COL4A3: variants seen among roughly 807,000 people sequenced by gnomAD.
The protein encoded by COL4A3 is collagen type IV alpha 3 chain.
A neutral mutation model predicts 217.4 loss-of-function variants in COL4A3; 135 were observed. That is an observed-to-expected ratio of 0.62 (90% CI 0.54 to 0.72). The LOEUF (loss-of-function observed/expected upper bound fraction) is 0.72, where lower values mean the gene tolerates loss of function less well. COL4A3 is among the 30% of genes least tolerant of loss of function. COL4A3 has a pLI of 0.00. For synonymous variants in COL4A3, 690 were observed against 736.3 expected (o/e 0.94, Z 1.02); for missense variants, 1,868 against 2,119.9 (o/e 0.88, Z 2.33).
At chr2:227,284,061 C>T in intron 33 of COL4A3, 150 bp from the exon 34 acceptor site, 1 of 1,114,922 alleles carries the variant, frequency 9.0e-7, no homozygotes, top group Non-Finnish European at 1.3e-6. Flanking sequence ...TATGAGGCTG[C>T]CTGCCTGGGG....
chr2:227,195,667 A>ATATGTG lies in COL4A3; in HGVS notation c.87+30855_87+30856insATGTGT, dbSNP rs1226857286. Among the ~76,000 whole-genome samples the ATATGTG allele has an allele frequency of 5.5e-3, 763 of 139,936 alleles. 7 individuals are homozygous for ATATGTG. The highest frequency in any genetic ancestry group is 0.012 in the African/African-American group (433 of 36,852). The allele number at this position is 139,936 out of a possible 152,430, so 91.8% of individuals were successfully genotyped here. A position where few individuals can be genotyped will look rare whatever the true frequency, so the allele number is the denominator to read the frequency against. On this transcript the variant is annotated intron_variant, in intron 1 of 51. Transcript: ENST00000396578. ...GAGTCTATGCCACATATATATATATATGTGTGTGTGTGTGTGTGTGTGTGT... is the reference window on the plus strand; with the variant it reads ...GAGTCTATGCCACATATATATATATATATGTGTGTGTGTGTGTGTGTGTGTGTGTGT...
intron 2 of COL4A3, 48 bp from the exon 3 acceptor site, chr2:227,240,095 G>T (rs2068934000): frequency 1.4e-6 from 2 of 1,410,318 alleles, no homozygotes; most frequent in Non-Finnish European, 2.0e-6. Context: ...GTTTATTGTG[G>T]GATAGTTGCT....
rs906000783 is a variant in COL4A3 at position 227,290,857 on chromosome 2, G to A, written c.3181G>A (p.Gly1061Ser). The A allele has an allele frequency of 3.1e-6, 5 of 1,613,162 alleles. No homozygotes were observed. Among genetic ancestry groups the A allele is most frequent in the Non-Finnish European group, 4.2e-6 (5 of 1,179,792 alleles). Reference sequence around the variant, plus strand: ...TAAGGGAGAGCCAGGTTATTCAGAAGGTACAAGGCCAGGACCACCGGGACC... The same window carrying A: ...TAAGGGAGAGCCAGGTTATTCAGAAAGTACAAGGCCAGGACCACCGGGACC... ...GDKGEPGYSE[G>S]TRPGPPGPTG... Residue 1061 changes from glycine (G) to serine (S), a missense_variant, in exon 37 of 52, where the codon GGT becomes AGT. This residue lies in a region of COL4A3 where 1,503 missense variants were observed against 1,786.1 expected (regional missense o/e 0.84). Coordinates refer to ENST00000396578, the MANE Select transcript of COL4A3 (RefSeq NM_000091.5).
intron 1 of COL4A3, among the ~76,000 whole-genome samples, chr2:227,181,903 A>G (rs948952440): frequency 1.3e-5 from 2 of 152,220 alleles, no homozygotes; most frequent in African/African-American, 4.8e-5. Context: ...AATAATAGAC[A>G]CAGTTTTAAT....
intron 9 of COL4A3, among the ~76,000 whole-genome samples, chr2:227,249,690 C>CA (rs1456464594): frequency 1.3e-5 from 2 of 152,090 alleles, no homozygotes; most frequent in African/African-American, 4.8e-5. Flanking sequence ...TTAGGAGCTG[C>CA]AAAAAATGCA....
chr2:227,279,005 G>T (rs1320018939), intron 28 of COL4A3, among the ~76,000 whole-genome samples: 2 of 151,948 alleles, frequency 1.3e-5, no homozygotes, highest in Non-Finnish European at 2.9e-5. Flanking sequence ...GGATGCTATA[G>T]GGCATTAAGA....
At position 227,280,532 on chromosome 2, in the gene COL4A3, C is replaced by T. The variant is rs1223874702; in HGVS notation, c.2316C>T (p.Leu772=). ...GNSGEHGEIG[L]PGLPGLPGTP... ...CTGGGGAACATGGAGAAATTGGACT[C>T]CCTGGACTTCCAGGTCTCCCTGGAA... The change falls in exon 30 of 52, where the codon CTC becomes CTT. Residue 772 remains leucine (L), a synonymous_variant. Coordinates refer to ENST00000396578, the MANE Select transcript of COL4A3 (RefSeq NM_000091.5). The T allele has an allele frequency of 6.2e-7, 1 of 1,613,966 alleles. No homozygotes were observed. The highest frequency in any genetic ancestry group is 8.5e-7 in the Non-Finnish European group (1 of 1,179,978).
rs1553750572 is a variant in COL4A3 at position 227,244,975 on chromosome 2, TCTGGTTCTC to T, written c.309_317del (p.Ser104_Gly106del). The T allele has an allele frequency of 6.2e-7, 1 of 1,613,532 alleles. No individual in the cohort carries two copies. The highest frequency in any genetic ancestry group is 8.5e-7 in the Non-Finnish European group (1 of 1,179,624). ...GGGAATAAGTGGATTGCCAGGATTT[TCTGGTTCTC>T]CTGGACTTCCAGTAAGTAATGGGAA... On this transcript the variant is annotated inframe_deletion, in exon 5 of 52. Coordinates refer to ENST00000396578, the MANE Select transcript of COL4A3 (RefSeq NM_000091.5).
intron 1 of COL4A3, among the ~76,000 whole-genome samples, chr2:227,168,826 A>G (rs2065368849): frequency 6.6e-6 from 1 of 152,126 alleles, no homozygotes; most frequent in Admixed American, 6.5e-5. Flanking sequence ...TTCCATGTAG[A>G]TGACAAATCG....
chr2:227,247,216 T>G (rs1292878475), intron 7 of COL4A3, among the ~76,000 whole-genome samples: 2 of 152,138 alleles, frequency 1.3e-5, no homozygotes, highest in East Asian at 3.8e-4. Flanking sequence ...TGCTGCAAAG[T>G]CCAGTCAGAG....
chr2:227,234,920 G>C (rs1048331505), intron 1 of COL4A3, among the ~76,000 whole-genome samples: 1 of 152,192 alleles, frequency 6.6e-6, no homozygotes, highest in African/African-American at 2.4e-5. Context: ...TCCAGGTGTT[G>C]TGTGGCATCT....
At chr2:227,287,213 C>T (rs1258682441) in intron 34 of COL4A3, among the ~76,000 whole-genome samples, 10 of 152,142 alleles carry the variant, frequency 6.6e-5, no homozygotes, top group Admixed American at 2.0e-4. Flanking sequence ...GCGGGTGGAT[C>T]ATGAGGTCAA....
chr2:227,240,219 C>T lies in COL4A3; in HGVS notation c.221C>T (p.Pro74Leu), dbSNP rs373975901. The change falls in exon 3 of 52, where the codon CCG (proline) becomes CTG (leucine). Residue 74 changes from proline (P) to leucine (L), a missense_variant. Coordinates refer to ENST00000396578, the MANE Select transcript of COL4A3 (RefSeq NM_000091.5). ...ACAGGTCCTGAAGGCTTGCCTGGACCGCAGGGACCCAAGGTATGTCATCCT... is the reference window on the plus strand; with the variant it reads ...ACAGGTCCTGAAGGCTTGCCTGGACTGCAGGGACCCAAGGTATGTCATCCT... ...GFTGPEGLPG[P>L]QGPKGFPGLP... 54 of 1,610,284 alleles carry T rather than the reference C, an allele frequency of 3.4e-5. No homozygotes were observed. In the African/African-American group the frequency reaches 5.7e-4, roughly 17 times the overall value.
At chr2:227,289,850 T>C (rs2072571938) in intron 35 of COL4A3, 149 bp from the exon 36 acceptor site, 1 of 728,412 alleles carries the variant, frequency 1.4e-6, no homozygotes, top group Non-Finnish European at 2.4e-6. Flanking sequence ...TTCCCTCTTA[T>C]TTGAAGGAAA....
At chr2:227,264,001 A>C in intron 21 of COL4A3, 57 bp downstream of exon 21, 1 of 1,602,076 alleles carries the variant, frequency 6.2e-7, no homozygotes, top group South Asian at 1.1e-5. Flanking sequence ...AGATGTGTGC[A>C]AACCACGGGC....
At chr2:227,299,969 T>C (rs915035208) in intron 43 of COL4A3, among the ~76,000 whole-genome samples, 1 of 152,238 alleles carries the variant, frequency 6.6e-6, no homozygotes, top group African/African-American at 2.4e-5. Flanking sequence ...GCCTATTTAT[T>C]TTCTGCCCCC....
At chr2:227,199,497 C>A (rs16823329) in intron 1 of COL4A3, among the ~76,000 whole-genome samples, 4,526 of 152,282 alleles carry the variant, frequency 0.03, 176 homozygotes, top group African/African-American at 0.089. Context: ...ATCAAACAGA[C>A]CTAAGGGATT....
In COL4A3 at chr2:227,226,444, T is replaced by C. The variant is rs1304061695; in HGVS notation, c.88-11524T>C. Among the ~76,000 whole-genome samples, 3 of 151,410 alleles carry C rather than the reference T, an allele frequency of 2.0e-5. No homozygotes were observed. The East Asian group carries it at 5.8e-4, about 30-fold the overall frequency. On this transcript the variant is annotated intron_variant, in intron 1 of 51. Transcript: ENST00000396578. ...CTCACTGGAACTCACAGCTGATCTCTTCTTTAAGTTTCTATTCTAATGTTA... is the reference window on the plus strand; with the variant it reads ...CTCACTGGAACTCACAGCTGATCTCCTCTTTAAGTTTCTATTCTAATGTTA...
intron 1 of COL4A3, among the ~76,000 whole-genome samples, chr2:227,172,414 C>T (rs78133863): frequency 0.01 from 1,591 of 152,008 alleles, 54 homozygotes; most frequent in East Asian, 0.072. Context: ...AGACTGCTGA[C>T]CTCTCATTAT....
Sources: allele counts gnomAD v4.1 joint callset (sites outside exome capture counted in the v4.1 genomes callset), GRCh38; gene constraint gnomAD v4.1.1; regional missense constraint gnomAD v4.1.1; transcripts MANE v1.5; gene names NCBI Gene and HGNC (gene_info 2026-07-23, HGNC 2026-07-21).